Variants in NAV2 observed in about 807,000 individuals in gnomAD.
NAV2 encodes helicase, APC down-regulated 1.
In NAV2, 54 loss-of-function variants were observed where a neutral mutation model predicts 223.2. That is an observed-to-expected ratio of 0.24 (90% CI 0.19 to 0.30). The LOEUF is 0.30. NAV2 is among the 10% of genes least tolerant of loss of function. NAV2 has a pLI of 1.00. For synonymous variants in NAV2, 1,279 were observed against 1,239.3 expected (o/e 1.03, Z -0.67); for missense variants, 2,806 against 3,147.5 (o/e 0.89, Z 2.60).
chr11:19,598,863 T>A (rs991173575), intron 1 of NAV2, among the ~76,000 whole-genome samples: 1 of 146,158 alleles, frequency 6.8e-6, no homozygotes, highest in Non-Finnish European at 1.5e-5. Context: ...TGGCTCTGCA[T>A]AATACGTTCT....
chr11:19,770,144 C>T (rs1450117975), intron 1 of NAV2, among the ~76,000 whole-genome samples: 1 of 152,114 alleles, frequency 6.6e-6, no homozygotes. Flanking sequence ...AATACAAAAC[C>T]AGAACAGAGG....
intron 5 of NAV2, chr11:19,884,188 G>T: frequency 1.3e-6 from 1 of 786,896 alleles, no homozygotes; most frequent in Non-Finnish European, 2.1e-6. Context: ...GGGGGGGAAA[G>T]AAACAGCAAC....
chr11:19,859,137 C>CTTTTTTTTTTTT (rs569446282), intron 3 of NAV2, among the ~76,000 whole-genome samples: 122 of 107,034 alleles, frequency 1.1e-3, no homozygotes, highest in Middle Eastern at 5.8e-3. Context: ...ATCATATTCT[C>CTTTTTTTTTTTT]TTTTTTTTTT....
rs140409093 is a variant in NAV2 at position 19,478,862 on chromosome 11, C to T, written c.75+127835C>T. Among the ~76,000 whole-genome samples the T allele has an allele frequency of 5.4e-3, 824 of 152,298 alleles. 10 individuals are homozygous for T. Among genetic ancestry groups the T allele is most frequent in the African/African-American group, 0.018 (748 of 41,546 alleles). ...GCAAATACAATGTCTATTTTAGAAACGAGGCTTTCCCCCTAATGAGTTAAT... is the reference window on the plus strand; with the variant it reads ...GCAAATACAATGTCTATTTTAGAAATGAGGCTTTCCCCCTAATGAGTTAAT... On this transcript the variant is annotated intron_variant, in intron 1 of 37. Transcript: ENST00000360655.
At chr11:19,911,725 A>G (rs1318942915) in intron 6 of NAV2, among the ~76,000 whole-genome samples, 2 of 152,168 alleles carry the variant, frequency 1.3e-5, no homozygotes, top group African/African-American at 2.4e-5. Flanking sequence ...CAGGGCAGAA[A>G]TCAATTTCTT....
At chr11:19,618,401 G>A (rs146479662) in intron 1 of NAV2, among the ~76,000 whole-genome samples, 3,123 of 30,452 alleles carry the variant, frequency 0.1, 120 homozygotes, top group African/African-American at 0.14. Context: ...TGGATGAATA[G>A]ATGGATGGAT....
At chr11:19,882,238 G>A (rs1453470716) in intron 5 of NAV2, among the ~76,000 whole-genome samples, 2 of 152,122 alleles carry the variant, frequency 1.3e-5, no homozygotes, top group Admixed American at 6.5e-5. Context: ...AGATGAGTTG[G>A]GCCAAGGTAA....
intron 1 of NAV2, among the ~76,000 whole-genome samples, chr11:19,486,681 C>T (rs905749171): frequency 3.0e-4 from 46 of 152,162 alleles, no homozygotes; most frequent in African/African-American, 1.1e-3. Flanking sequence ...GTCAATTAAA[C>T]CTCTTTCCTT....
intron 7 of NAV2, among the ~76,000 whole-genome samples, chr11:19,936,275 G>T (rs2045896795): frequency 6.6e-6 from 1 of 152,108 alleles, no homozygotes. Flanking sequence ...AGGATTCACA[G>T]CTTCTCAATT....
At chr11:19,905,913 T>A (rs2042826461) in intron 6 of NAV2, among the ~76,000 whole-genome samples, 1 of 152,176 alleles carries the variant, frequency 6.6e-6, no homozygotes, top group Non-Finnish European at 1.5e-5. Context: ...GAACCTTTTT[T>A]TGGACCCTCT....
At chr11:19,873,228 A>G (rs544932403) in intron 4 of NAV2, among the ~76,000 whole-genome samples, 1 of 152,196 alleles carries the variant, frequency 6.6e-6, no homozygotes, top group Admixed American at 6.5e-5. Context: ...CAAGCCAGTC[A>G]TATTAAACTA....
At chr11:19,655,207 A>G (rs1401936148) in intron 1 of NAV2, among the ~76,000 whole-genome samples, 1 of 152,234 alleles carries the variant, frequency 6.6e-6, no homozygotes, top group African/African-American at 2.4e-5. Flanking sequence ...ATCTCATACC[A>G]GTTAGAATGG....
At chr11:19,658,306 A>G (rs2048183200) in intron 1 of NAV2, among the ~76,000 whole-genome samples, 1 of 152,308 alleles carries the variant, frequency 6.6e-6, no homozygotes, top group South Asian at 2.1e-4. Flanking sequence ...CTATTATTCT[A>G]TAGTGAATAC....
At position 20,118,230 on chromosome 11, in the gene NAV2, T is replaced by G; in HGVS notation, c.7262T>G (p.Leu2421Trp). 2 of 1,614,098 alleles carry G rather than the reference T, an allele frequency of 1.2e-6. No homozygotes were observed. Among genetic ancestry groups the G allele is most frequent in the Non-Finnish European group, 1.7e-6 (2 of 1,180,016 alleles). The change falls in exon 38 of 38, where the codon TTG (leucine) becomes TGG (tryptophan). Residue 2421 changes from leucine (L) to tryptophan (W), a missense_variant. By Grantham distance (61) the Leu-to-Trp change is moderately conservative. This residue lies in a region of NAV2 where 824 missense variants were observed against 1,069.4 expected (regional missense o/e 0.77). Coordinates refer to ENST00000349880, the MANE Select transcript of NAV2 (RefSeq NM_145117.5). ...SNSNSHHDDI[L>W]DSSLESTL The stretch of plus-strand genomic sequence containing the variant: ...AGCAACAGCCATCACGATGACATCT[T>G]GGACTCCTCTTTGGAGTCCACTCTG...
At chr11:19,984,034 T>A in intron 10 of NAV2, 91 bp from the exon 11 acceptor site, 1 of 1,554,276 alleles carries the variant, frequency 6.4e-7, no homozygotes, top group South Asian at 1.1e-5. Context: ...TTAGAGCACT[T>A]GGCGGCTGTA....
intron 11 of NAV2, among the ~76,000 whole-genome samples, chr11:20,014,656 C>T (rs2053851825): frequency 6.6e-6 from 1 of 152,184 alleles, no homozygotes; most frequent in Admixed American, 6.5e-5. Flanking sequence ...ATTCCCAGCC[C>T]TTTCGGAGGC....
At chr11:19,388,398 C>G (rs1849123943) in intron 1 of NAV2, among the ~76,000 whole-genome samples, 1 of 152,188 alleles carries the variant, frequency 6.6e-6, no homozygotes, top group Non-Finnish European at 1.5e-5. Flanking sequence ...CACAGTGGAG[C>G]TTCATTGGAG....
At chr11:20,029,389 G>C (rs538383354) in intron 11 of NAV2, among the ~76,000 whole-genome samples, 1 of 152,322 alleles carries the variant, frequency 6.6e-6, no homozygotes, top group East Asian at 1.9e-4. Context: ...AAAAGCGTTG[G>C]TGGGCCCGGG....
chr11:20,089,517 C>A (rs562319897), intron 26 of NAV2, among the ~76,000 whole-genome samples: 54 of 152,262 alleles, frequency 3.5e-4, no homozygotes, highest in Non-Finnish European at 4.3e-4. Flanking sequence ...CTTGGAGAGC[C>A]AGACTCATGT....
Sources: gnomAD v4.1 joint callset for allele counts (sites outside exome capture counted in the v4.1 genomes callset) on GRCh38, gnomAD v4.1.1 for gene constraint, gnomAD v4.1.1 regional missense constraint, MANE v1.5 for transcripts, NCBI Gene and HGNC (gene_info 2026-07-23, HGNC 2026-07-21) for gene names.